The following SLU7 variants were observed in gnomAD, a reference collection of about 807,000 sequenced individuals.
SLU7 encodes the protein pre-mRNA-splicing factor SLU7.
Under a neutral mutation model 87.0 loss-of-function variants are expected in SLU7, and 60 were observed. That is an observed-to-expected ratio of 0.69 (90% CI 0.56 to 0.86). The LOEUF (loss-of-function observed/expected upper bound fraction) is 0.86. SLU7 is among the 40% of genes least tolerant of loss of function. The probability of loss-of-function intolerance (pLI) is 0.00; values close to 1 mark genes in which losing one functional copy is unlikely to be tolerated. For synonymous variants in SLU7, 197 were observed against 222.0 expected (o/e 0.89, Z 1.00); for missense variants, 507 against 686.6 (o/e 0.74, Z 2.92).
chr5:160,408,941 A>G (rs975666608), intron 6 of SLU7, among the ~76,000 whole-genome samples: 2 of 150,088 alleles, frequency 1.3e-5, no homozygotes, highest in African/African-American at 4.9e-5. Flanking sequence ...AAACTCTCAC[A>G]CTTCTCAGTT....
At position 160,404,474 on chromosome 5, in the gene SLU7, T is replaced by A; in HGVS notation, c.1547A>T (p.Asp516Val). ...TTTTTCATGCTTCTTTTCTTCATCA[T>A]CACTATCTGAACTGCTCTTTCGATG... is the stretch of plus-strand genomic sequence containing the variant. The part of the protein sequence containing the change: ...KKHRKSSSDS[D>V]DEEKKHEKLK... The change falls in exon 15 of 16, where the codon GAT (aspartate) becomes GTT (valine). Residue 516 changes from aspartate to valine, a missense_variant. Around this residue, in one of 6 missense-constraint regions of SLU7, gnomAD observed 201 missense variants for 213.4 expected, o/e 0.94. Transcript: ENST00000297151. The A allele has an allele frequency of 6.2e-7, 1 of 1,605,746 alleles. No homozygotes were observed. Among genetic ancestry groups the A allele is most frequent in the East Asian group, 2.2e-5 (1 of 44,858 alleles).
At position 160,403,401 on chromosome 5, in the gene SLU7, T is replaced by A. The variant is rs1356752063; in HGVS notation, c.1645A>T (p.Lys549Ter). 3 of 1,613,426 alleles carry A rather than the reference T, an allele frequency of 1.9e-6. No individual in the cohort carries two copies. Among genetic ancestry groups the A allele is most frequent in the Non-Finnish European group, 2.5e-6 (3 of 1,179,804 alleles). Residue 549 changes from lysine to a stop codon, truncating the protein, a stop_gained, in exon 16 of 16, where the codon AAG becomes TAG. Transcript: ENST00000297151. LOFTEE classifies it high-confidence loss of function. Reference sequence around the variant, plus strand: ...TCATACATGCTATTGTAAGGCCGCTTCCTCTCATCAATCTGCATGGTCTCC... The same window carrying A: ...TCATACATGCTATTGTAAGGCCGCTACCTCTCATCAATCTGCATGGTCTCC... ...VKETMQIDER[K>*]RPYNSMYETR...
intron 1 of SLU7, chr5:160,417,313 TA>T (rs1185715604): frequency 1.3e-5 from 2 of 151,558 alleles, no homozygotes; most frequent in African/African-American, 4.8e-5. Context: ...AAAGTAAAAA[TA>T]AACAGGTAAA....
intron 1 of SLU7, chr5:160,418,458 T>G (rs1765545692): frequency 6.6e-6 from 1 of 152,214 alleles, no homozygotes; most frequent in Non-Finnish European, 1.5e-5. Flanking sequence ...AAACTAAAAC[T>G]GAATAAAGTA....
Position 160,407,508 on chromosome 5 carries a change from T to C in SLU7, c.1093A>G (p.Lys365Glu). The C allele has an allele frequency of 6.2e-7, 1 of 1,611,888 alleles. No homozygotes were observed. The highest frequency in any genetic ancestry group is 8.5e-7 in the Non-Finnish European group (1 of 1,179,324). ...KSFKVKKEDF[K>E]EQQKESILEK... ...AGGATGCTTTCTTTCTGCTGTTCTT[T>C]GAAATCTTCTTTTTTGACTTTGAAG... The change falls in exon 11 of 16, where the codon AAA becomes GAA. Residue 365 changes from lysine (K) to glutamate (E), a missense_variant. Around this residue, in one of 6 missense-constraint regions of SLU7, gnomAD observed 43 missense variants for 58.4 expected, o/e 0.74. Coordinates refer to ENST00000297151, the MANE Select transcript of SLU7 (RefSeq NM_006425.5). The surrounding 1 kb of genome is among the most constrained non-coding windows in gnomAD (Gnocchi z 4.2).
intron 12 of SLU7, 37 bp downstream of exon 12, chr5:160,406,431 C>T: frequency 6.5e-7 from 1 of 1,533,746 alleles, no homozygotes; most frequent in Non-Finnish European, 8.8e-7. Flanking sequence ...AGAGCAAAAC[C>T]AACAAGGACA....
Position 160,407,679 on chromosome 5 carries a change from A to G in SLU7, c.986-64T>C. On this transcript the variant is annotated intron_variant, in intron 10 of 15. Transcript: ENST00000297151. The surrounding 1 kb of genome is among the most constrained non-coding windows in gnomAD (Gnocchi z 4.2). Reference sequence around the variant, plus strand: ...CATTACTGTATGCTTCTTGAAAACAAGCTTTAAACAATCCCAAACGTCTTA... The same window carrying G: ...CATTACTGTATGCTTCTTGAAAACAGGCTTTAAACAATCCCAAACGTCTTA... 1 of 1,600,132 alleles carries G rather than the reference A, an allele frequency of 6.2e-7. No individual in the cohort carries two copies. Among genetic ancestry groups the G allele is most frequent in the South Asian group, 1.1e-5 (1 of 88,512 alleles).
At chr5:160,408,525 CCT>C in intron 7 of SLU7, 65 bp from the exon 8 acceptor site, 1 of 1,523,172 alleles carries the variant, frequency 6.6e-7, no homozygotes. Flanking sequence ...TTTTTTTTCC[CCT>C]TTCCCTTTAA....
chr5:160,406,005 T>C (rs1026469701), intron 12 of SLU7, among the ~76,000 whole-genome samples: 1 of 152,216 alleles, frequency 6.6e-6, no homozygotes, highest in Non-Finnish European at 1.5e-5. Flanking sequence ...AGATATTAGG[T>C]GATATAATGT....
Position 160,403,210 on chromosome 5 carries a change from T to C in SLU7, c.*75A>G, listed in dbSNP as rs1272170294. ...CAAGAAGAATAAACAAGGATTTTTC[T>C]ATCTACAATCATCAATAAGAAGCTG... On this transcript the variant is annotated 3_prime_UTR_variant, in exon 16 of 16. Transcript: ENST00000297151. The C allele has an allele frequency of 8.6e-7, 1 of 1,160,316 alleles. No individual in the cohort carries two copies. The highest frequency in any genetic ancestry group is 1.2e-6 in the Non-Finnish European group (1 of 840,478). The allele number at this position is 1,160,316 out of a possible 1,614,324, so 71.9% of individuals were successfully genotyped here.
chr5:160,413,429 C>T lies in SLU7; in HGVS notation c.570+27G>A, dbSNP rs751898043. ...AGCAAAAGGACGATTCTTTAAAAACCCCAGGAAAGCAGGGAATTTTGCTCA... is the reference window on the plus strand; with the variant it reads ...AGCAAAAGGACGATTCTTTAAAAACTCCAGGAAAGCAGGGAATTTTGCTCA... On this transcript the variant is annotated intron_variant, in intron 5 of 15. Coordinates refer to ENST00000297151, the MANE Select transcript of SLU7 (RefSeq NM_006425.5). The T allele has an allele frequency of 2.5e-6, 4 of 1,606,328 alleles. No homozygotes were observed. In the East Asian group the frequency reaches 6.7e-5, roughly 27 times the overall value.
At position 160,401,757 on chromosome 5, in the gene SLU7, T is replaced by C. The variant is rs1764792579; in HGVS notation, c.*1528A>G. 1 of 152,266 alleles carries C rather than the reference T, an allele frequency of 6.6e-6. No individual in the cohort carries two copies. The highest frequency in any genetic ancestry group is 1.5e-5 in the Non-Finnish European group (1 of 68,046). 9.4% of individuals were successfully genotyped at this position (152,266 alleles called of 1,614,324 possible). A position where few individuals can be genotyped will look rare whatever the true frequency, so the allele number is the denominator to read the frequency against. Reference sequence around the variant, plus strand: ...TAGGTAGGAAAATGAACATTGTTTTTCATTCTTAAAGTAAATAGGAATTAA... The same window carrying C: ...TAGGTAGGAAAATGAACATTGTTTTCCATTCTTAAAGTAAATAGGAATTAA... On this transcript the variant is annotated 3_prime_UTR_variant, in exon 16 of 16. Transcript: ENST00000297151.
rs1765022502 is a variant in SLU7 at position 160,406,538 on chromosome 5, A to G, written c.1217T>C (p.Val406Ala). 2 of 1,613,760 alleles carry G rather than the reference A, an allele frequency of 1.2e-6. No homozygotes were observed. The highest frequency in any genetic ancestry group is 1.7e-5 in the Admixed American group (1 of 59,964). ...AACAGCCCGCTCCTGTCCTTTGATG[A>G]CTGTCCCATGTCTTGAGTACTCCAC... Reference protein sequence around the residue: ...DYVEYSRHGTVIKGQERAVAC... With the variant: ...DYVEYSRHGTAIKGQERAVAC... Residue 406 changes from valine (V) to alanine (A), a missense_variant, in exon 12 of 16, where the codon GTC becomes GCC. Val to Ala is a moderately conservative substitution (Grantham distance 64). Coordinates refer to ENST00000297151, the MANE Select transcript of SLU7 (RefSeq NM_006425.5).
chr5:160,414,524 T>G, intron 2 of SLU7, 52 bp from the exon 3 acceptor site: 3 of 1,232,394 alleles, frequency 2.4e-6, no homozygotes, highest in Non-Finnish European at 3.3e-6. Context: ...TGGAAAATAA[T>G]CAGTATTACA....
chr5:160,406,747 T>C lies in SLU7; in HGVS notation c.1126-118A>G, dbSNP rs574474785. 5 of 872,742 alleles carry C rather than the reference T, an allele frequency of 5.7e-6. No homozygotes were observed. The East Asian group carries it at 8.5e-5, about 15-fold the overall frequency. The allele number at this position is 872,742 out of a possible 1,614,324, so 54.1% of individuals were successfully genotyped here. A position where few individuals can be genotyped will look rare whatever the true frequency, so the allele number is the denominator to read the frequency against. On this transcript the variant is annotated intron_variant, in intron 11 of 15. Coordinates refer to ENST00000297151, the MANE Select transcript of SLU7 (RefSeq NM_006425.5). ...GAACATTCTTTACTGGGTTTTGTTA[T>C]AGAAAGCACAGTAGGAAAAAAAAAG...
chr5:160,406,916 A>G (rs1413953655), intron 11 of SLU7, among the ~76,000 whole-genome samples: 1 of 152,254 alleles, frequency 6.6e-6, no homozygotes, highest in Non-Finnish European at 1.5e-5. Context: ...CTTCCCATCA[A>G]GAGACGAAGT....
At chr5:160,405,401 G>T (rs986334176) in intron 12 of SLU7, among the ~76,000 whole-genome samples, 1 of 152,178 alleles carries the variant, frequency 6.6e-6, no homozygotes, top group Non-Finnish European at 1.5e-5. Flanking sequence ...ACGTAGGAGT[G>T]GGAAATTCTG....
Position 160,403,472 on chromosome 5 carries a change from G to A in SLU7, c.1582-8C>T. The stretch of plus-strand genomic sequence containing the variant: ...CTCCTCTGCGTTCAGTGCCTATAGT[G>A]AGAGGAATAAAATGTGTATCACAGC... On this transcript the variant is annotated splice_region_variant and splice_polypyrimidine_tract_variant and intron_variant, in intron 15 of 15. Coordinates refer to ENST00000297151, the MANE Select transcript of SLU7 (RefSeq NM_006425.5). The A allele has an allele frequency of 6.3e-7, 1 of 1,586,226 alleles. No individual in the cohort carries two copies.
intron 5 of SLU7, 45 bp from the exon 6 acceptor site, chr5:160,412,564 T>TAAAA: frequency 8.1e-7 from 1 of 1,229,788 alleles, no homozygotes; most frequent in Non-Finnish European, 1.1e-6. Flanking sequence ...AAGTAAACAT[T>TAAAA]TAAATTTTAC....
Sources: gnomAD v4.1 joint callset for allele counts (sites outside exome capture counted in the v4.1 genomes callset) on GRCh38, gnomAD v4.1.1 for gene constraint, gnomAD v4.1.1 regional missense constraint, Gnocchi (gnomAD v3.1) non-coding constraint, MANE v1.5 for transcripts, NCBI Gene and HGNC (gene_info 2026-07-23, HGNC 2026-07-21) for gene names.